The following GLIS1 variants were observed in gnomAD, a reference collection of about 807,000 sequenced individuals.
GLIS1 encodes the protein zinc finger protein GLIS1.
GLIS1 carries 24 observed loss-of-function variants against 63.8 expected under a neutral mutation model. The observed-to-expected ratio is 0.38, with a 90% CI of 0.27 to 0.53. The LOEUF (loss-of-function observed/expected upper bound fraction) is 0.53, where lower values mean the gene tolerates loss of function less well. Among genes scored for constraint, GLIS1 ranks in the 20% least tolerant of loss-of-function variants. The pLI, the probability that GLIS1 is intolerant of heterozygous loss-of-function variation, is 0.85. For synonymous variants in GLIS1, 450 were observed against 482.5 expected, an observed-to-expected ratio of 0.93 and a Z score of 0.88; for missense variants, 1,036 against 1,074.1, an observed-to-expected ratio of 0.96 and a Z score of 0.50.
intron 4 of GLIS1, among the ~76,000 whole-genome samples, chr1:53,577,732 C>T (rs1233100919): frequency 6.6e-6 from 1 of 152,174 alleles, no homozygotes. Context: ...GAGTCTGATC[C>T]TCTTCCCTTG....
Position 53,522,217 on chromosome 1 carries a change from A to C in GLIS1, c.1594-1451T>G, listed in dbSNP as rs149107517. ...GAAAAGCATTTCTAATTTTCTCTGA[A>C]ACGCGGCAGGGCTGCCAAGGACTTG... On this transcript the variant is annotated intron_variant, in intron 6 of 10. Coordinates refer to ENST00000628545, the MANE Select transcript of GLIS1 (RefSeq NM_001367484.1). Among the ~76,000 whole-genome samples, 752 of 152,398 alleles carry C rather than the reference A, an allele frequency of 4.9e-3. 6 individuals are homozygous for C. Among genetic ancestry groups the C allele is most frequent in the African/African-American group, 0.018 (728 of 41,598 alleles).
intron 5 of GLIS1, among the ~76,000 whole-genome samples, chr1:53,525,332 G>A (rs1377285651): frequency 4.1e-5 from 6 of 147,164 alleles, no homozygotes; most frequent in African/African-American, 1.5e-4. Flanking sequence ...CAGGCTAGGC[G>A]GCACTGACCG....
intron 2 of GLIS1, among the ~76,000 whole-genome samples, chr1:53,663,917 C>CAAGG (rs1646059216): frequency 6.6e-6 from 1 of 151,038 alleles, no homozygotes; most frequent in Non-Finnish European, 1.5e-5. Flanking sequence ...CCAGGCGCCT[C>CAAGG]GAGGGAACCG....
intron 3 of GLIS1, among the ~76,000 whole-genome samples, chr1:53,595,865 G>T (rs1379895004): frequency 6.6e-6 from 1 of 152,178 alleles, no homozygotes; most frequent in African/African-American, 2.4e-5. Flanking sequence ...AGGAACTGAG[G>T]AAAAGCTTCT....
intron 4 of GLIS1, among the ~76,000 whole-genome samples, chr1:53,567,794 G>A (rs1049716341): frequency 1.3e-5 from 2 of 152,248 alleles, no homozygotes; most frequent in African/African-American, 2.4e-5. Context: ...AGGCTTCCAC[G>A]TGGTGTTGGG....
At chr1:53,704,539 G>A (rs758164348) in intron 2 of GLIS1, among the ~76,000 whole-genome samples, 4 of 152,190 alleles carry the variant, frequency 2.6e-5, no homozygotes, top group Non-Finnish European at 4.4e-5. Context: ...ATGAACAGTG[G>A]TGAGGAAGTG....
chr1:53,509,180 C>G lies in GLIS1; in HGVS notation c.2170G>C (p.Gly724Arg). 1 of 1,601,416 alleles carries G rather than the reference C, an allele frequency of 6.2e-7. No homozygotes were observed. Among genetic ancestry groups the G allele is most frequent in the Non-Finnish European group, 8.5e-7 (1 of 1,174,730 alleles). Residue 724 changes from glycine to arginine, a missense_variant, in exon 10 of 11, where the codon GGT (glycine) becomes CGT (arginine). This residue lies in a region of GLIS1 where 400 missense variants were observed against 400.9 expected (regional missense o/e 1.00). Transcript: ENST00000628545. ...GGDGLVGETH[G>R]FNPLRPNGYH... ...CCATTGGGCCGCAGGGGGTTGAAAC[C>G]GTGGGTCTCCCCGACCAGTCCGTCC...
At position 53,639,770 on chromosome 1, in the gene GLIS1, A is replaced by G. The variant is rs1245005873; in HGVS notation, c.260-39492T>C. On this transcript the variant is annotated intron_variant, in intron 2 of 10. Transcript: ENST00000628545. This position sits in a 1 kb window ranked among gnomAD's most constrained non-coding sequence, Gnocchi z 4.6. ...ACCAGGAGCACTGCTGTGGGCTTCA[A>G]TGTATGCAAACCCTTCTCCCCCAGG... Among the ~76,000 whole-genome samples, 3 of 152,254 alleles carry G rather than the reference A, an allele frequency of 2.0e-5. No homozygotes were observed. Among genetic ancestry groups the G allele is most frequent in the South Asian group, 2.1e-4 (1 of 4,812 alleles).
chr1:53,734,055 C>T, intron 2 of GLIS1: 1 of 982,548 alleles, frequency 1.0e-6, no homozygotes, highest in Non-Finnish European at 1.2e-6. Context: ...GCACAATCTA[C>T]AATTCCTTTT....
intron 2 of GLIS1, among the ~76,000 whole-genome samples, chr1:53,709,369 T>TAC (rs1557534277): frequency 0.043 from 3,098 of 72,796 alleles, 54 homozygotes; most frequent in Middle Eastern, 0.14. Context: ...CATATACATA[T>TAC]ATATATACAT....
intron 6 of GLIS1, 67 bp downstream of exon 6, chr1:53,524,710 C>T (rs1644446548): frequency 4.5e-6 from 5 of 1,103,768 alleles, no homozygotes; most frequent in South Asian, 4.0e-5. Context: ...TGAGGGTGGG[C>T]ACCTGGCCTG....
At chr1:53,601,870 C>T (rs1297156826) in intron 2 of GLIS1, among the ~76,000 whole-genome samples, 5 of 152,320 alleles carry the variant, frequency 3.3e-5, no homozygotes, top group African/African-American at 7.2e-5. Flanking sequence ...ATGCTGAGGC[C>T]GGGCACTCAG....
In GLIS1 at chr1:53,560,259, G is replaced by T. The variant is rs1034853163; in HGVS notation, c.1321-30307C>A. Among the ~76,000 whole-genome samples, 1 of 152,216 alleles carries T rather than the reference G, an allele frequency of 6.6e-6. No individual in the cohort carries two copies. Among genetic ancestry groups the T allele is most frequent in the African/African-American group, 2.4e-5 (1 of 41,450 alleles). ...AGAGCCAGCTTTGCCCAGACCTGGGGGCAGCAGCTGTGTTGACTCATCTCT... is the reference window on the plus strand; with the variant it reads ...AGAGCCAGCTTTGCCCAGACCTGGGTGCAGCAGCTGTGTTGACTCATCTCT... On this transcript the variant is annotated intron_variant, in intron 4 of 10. Transcript: ENST00000628545. The surrounding 1 kb of genome is among the most constrained non-coding windows in gnomAD (Gnocchi z 4.4).
rs144294309 is a variant in GLIS1 at position 53,654,771 on chromosome 1, C to T, written c.260-54493G>A. ...CCTCCAGCGATCCTCCTAGGAGCAGCGTCGTGCCGCTACAGATGTGAACGC... is the reference window on the plus strand; with the variant it reads ...CCTCCAGCGATCCTCCTAGGAGCAGTGTCGTGCCGCTACAGATGTGAACGC... On this transcript the variant is annotated intron_variant, in intron 2 of 10. Transcript: ENST00000628545. 5.3e-5 allele frequency among the ~76,000 whole-genome samples: 8 copies of T among 152,204 alleles called. No individual in the cohort carries two copies. In the South Asian group the frequency reaches 1.2e-3, roughly 24 times the overall value.
chr1:53,622,735 A>T (rs1645558856), intron 2 of GLIS1, among the ~76,000 whole-genome samples: 1 of 152,298 alleles, frequency 6.6e-6, no homozygotes, highest in African/African-American at 2.4e-5. Context: ...CCAAAGAGGC[A>T]AAGATTCTCC....
In GLIS1 at chr1:53,667,493, C is replaced by T. The variant is rs114618721; in HGVS notation, c.260-67215G>A. On this transcript the variant is annotated intron_variant, in intron 2 of 10. Transcript: ENST00000628545. Reference sequence around the variant, plus strand: ...GGCTCAAGCTCCATCAACTCTAGCCCGGCCCTTCCTTGGTCCTGGTCTGGC... The same window carrying T: ...GGCTCAAGCTCCATCAACTCTAGCCTGGCCCTTCCTTGGTCCTGGTCTGGC... 4.9e-3 allele frequency among the ~76,000 whole-genome samples: 747 copies of T among 152,320 alleles called. 9 individuals carry two copies. The highest frequency in any genetic ancestry group is 0.017 in the African/African-American group (712 of 41,564).
At chr1:53,688,078 C>G (rs1158557869) in intron 2 of GLIS1, among the ~76,000 whole-genome samples, 2 of 152,218 alleles carry the variant, frequency 1.3e-5, no homozygotes, top group African/African-American at 2.4e-5. Flanking sequence ...GGAGGCCAGA[C>G]TGGCCCTGCC....
chr1:53,648,404 C>T (rs377110941), intron 2 of GLIS1, among the ~76,000 whole-genome samples: 3 of 152,214 alleles, frequency 2.0e-5, no homozygotes, highest in East Asian at 3.9e-4. Flanking sequence ...ACTCTGCCAG[C>T]GGGAGTGCTA....
intron 4 of GLIS1, among the ~76,000 whole-genome samples, chr1:53,549,599 G>T (rs1447841159): frequency 2.0e-4 from 31 of 152,180 alleles, no homozygotes; most frequent in Non-Finnish European, 2.9e-5. Flanking sequence ...CAAGTTCCTT[G>T]CCTATTTTTA....
Sources: allele counts gnomAD v4.1 joint callset (sites outside exome capture counted in the v4.1 genomes callset), GRCh38; gene constraint gnomAD v4.1.1; regional missense constraint gnomAD v4.1.1; non-coding constraint Gnocchi (gnomAD v3.1); transcripts MANE v1.5; gene names NCBI Gene and HGNC (gene_info 2026-07-23, HGNC 2026-07-21).